The following EYS variants were observed in gnomAD, a reference collection of about 807,000 sequenced individuals.
EYS encodes the protein protein eyes shut homolog.
A neutral mutation model predicts 282.1 loss-of-function variants in EYS; 250 were observed. The ratio of observed to expected loss-of-function variants is 0.89; its 90% CI spans 0.80 to 0.98. The LOEUF (loss-of-function observed/expected upper bound fraction) is 0.98, where lower values mean the gene tolerates loss of function less well. EYS is among the 50% of genes least tolerant of loss of function. The pLI is 0.00. For missense variants in EYS, 4,016 were observed against 3,709.0 expected, an observed-to-expected ratio of 1.08 and a Z score of -2.15; for synonymous variants, 1,355 against 1,282.9, an observed-to-expected ratio of 1.06 and a Z score of -1.20.
chr6:64,233,785 G>T (rs1766502068), intron 30 of EYS, among the ~76,000 whole-genome samples: 1 of 152,256 alleles, frequency 6.6e-6, no homozygotes, highest in Admixed American at 6.5e-5. Flanking sequence ...CTTGATCACT[G>T]GAGAAAGACA....
At chr6:65,587,140 C>A (rs950616206) in intron 2 of EYS, among the ~76,000 whole-genome samples, 1 of 151,910 alleles carries the variant, frequency 6.6e-6, no homozygotes, top group Non-Finnish European at 1.5e-5. Flanking sequence ...AACTAAACAG[C>A]CAGCTGTTTA....
At chr6:65,702,283 T>C (rs1250417615) in intron 1 of EYS, among the ~76,000 whole-genome samples, 4 of 152,244 alleles carry the variant, frequency 2.6e-5, no homozygotes, top group Non-Finnish European at 5.9e-5. Context: ...TCAAAATAAG[T>C]TGTAGTTTAT....
At chr6:64,751,649 T>C (rs536545881) in intron 22 of EYS, among the ~76,000 whole-genome samples, 2 of 152,338 alleles carry the variant, frequency 1.3e-5, no homozygotes, top group Admixed American at 6.5e-5. Flanking sequence ...TATACCCATC[T>C]CTTTCAGCCA....
intron 39 of EYS, among the ~76,000 whole-genome samples, chr6:63,779,680 A>T (rs1770158822): frequency 6.6e-6 from 1 of 152,046 alleles, no homozygotes; most frequent in Non-Finnish European, 1.5e-5. Flanking sequence ...TTAAAATGAT[A>T]AAATAAAGGC....
chr6:64,374,204 T>G (rs983431502), intron 29 of EYS, among the ~76,000 whole-genome samples: 1 of 3,344 alleles, frequency 3.0e-4, no homozygotes, highest in African/African-American at 1.2e-3. Flanking sequence ...GGTGGAGGTG[T>G]GGGGGGTGGG....
intron 28 of EYS, among the ~76,000 whole-genome samples, chr6:64,435,374 G>A (rs964620216): frequency 1.7e-4 from 25 of 150,304 alleles, no homozygotes; most frequent in Non-Finnish European, 3.2e-4. Context: ...AAGGAAGATA[G>A]AACTTCCTTA....
At chr6:64,519,111 T>G (rs1777652908) in intron 26 of EYS, among the ~76,000 whole-genome samples, 1 of 151,728 alleles carries the variant, frequency 6.6e-6, no homozygotes, top group South Asian at 2.1e-4. Context: ...GAAGAGGCTA[T>G]GATACTGGGT....
At chr6:64,923,989 C>A (rs1440414238) in intron 15 of EYS, among the ~76,000 whole-genome samples, 3 of 152,158 alleles carry the variant, frequency 2.0e-5, no homozygotes, top group African/African-American at 7.2e-5. Context: ...GCCCTCTTCT[C>A]ACAGCTCCAC....
chr6:64,302,971 A>G (rs1332305097), intron 30 of EYS, among the ~76,000 whole-genome samples: 1 of 151,960 alleles, frequency 6.6e-6, no homozygotes, highest in Non-Finnish European at 1.5e-5. Flanking sequence ...CATGGCTAGG[A>G]CCCAACCCAG....
intron 26 of EYS, among the ~76,000 whole-genome samples, chr6:64,518,783 C>A (rs1372038134): frequency 2.7e-5 from 4 of 149,926 alleles, no homozygotes; most frequent in African/African-American, 9.8e-5. Context: ...ATAAGGGGCC[C>A]CCCCCTTCTC....
At chr6:64,856,092 T>A (rs1766049723) in intron 19 of EYS, among the ~76,000 whole-genome samples, 1 of 152,184 alleles carries the variant, frequency 6.6e-6, no homozygotes, top group African/African-American at 2.4e-5. Flanking sequence ...CAATTTTATG[T>A]GATACACATT....
At chr6:64,532,485 G>A (rs1470427898) in intron 26 of EYS, among the ~76,000 whole-genome samples, 5 of 152,034 alleles carry the variant, frequency 3.3e-5, no homozygotes, top group African/African-American at 7.2e-5. Context: ...GGAGGCGAGC[G>A]GATCACGAGG....
rs1765597743 is a variant in EYS, at chr6:64,842,676, A to AATG, written c.2993-19855_2993-19854insCAT. Among the ~76,000 whole-genome samples, 5 of 152,078 alleles carry AATG rather than the reference A, an allele frequency of 3.3e-5. No individual in the cohort carries two copies. The South Asian group carries it at 1.0e-3, about 31-fold the overall frequency. On this transcript the variant is annotated intron_variant, in intron 19 of 42. Transcript: ENST00000503581. ...CTGGAGCAAAGGTGACTCTTGCTACATTTTAGCAAAGAGACTGGTGGTACT... is the reference window on the plus strand; with the variant it reads ...CTGGAGCAAAGGTGACTCTTGCTACAATGTTTTAGCAAAGAGACTGGTGGTACT...
chr6:65,170,250 A>G (rs1347379101), intron 12 of EYS, among the ~76,000 whole-genome samples: 1 of 151,384 alleles, frequency 6.6e-6, no homozygotes, highest in East Asian at 2.0e-4. Context: ...ACACACAGAG[A>G]GAGGAGAGAA....
At chr6:64,306,511 A>G (rs566318758) in intron 30 of EYS, among the ~76,000 whole-genome samples, 1 of 152,300 alleles carries the variant, frequency 6.6e-6, no homozygotes, top group East Asian at 1.9e-4. Flanking sequence ...ATTCAAAGCC[A>G]TGTTTGGAGA....
intron 12 of EYS, among the ~76,000 whole-genome samples, chr6:65,130,132 A>G (rs911434009): frequency 6.6e-6 from 1 of 151,798 alleles, no homozygotes; most frequent in Non-Finnish European, 1.5e-5. Context: ...TAAAAATAGG[A>G]AAAAATAGAC....
chr6:63,892,417 A>G (rs769142514), intron 35 of EYS, among the ~76,000 whole-genome samples: 46 of 152,186 alleles, frequency 3.0e-4, no homozygotes, highest in Non-Finnish European at 5.9e-4. Context: ...GGCCTCAGAA[A>G]TACCACCACA....
chr6:63,897,680 A>C (rs994573036), intron 35 of EYS, among the ~76,000 whole-genome samples: 1 of 152,190 alleles, frequency 6.6e-6, no homozygotes, highest in African/African-American at 2.4e-5. Flanking sequence ...GTTTGTGGTA[A>C]TTTGTTATAG....
intron 5 of EYS, among the ~76,000 whole-genome samples, chr6:65,438,116 T>C (rs958006293): frequency 6.6e-6 from 1 of 151,442 alleles, no homozygotes; most frequent in African/African-American, 2.4e-5. Flanking sequence ...GTTTGGTTTT[T>C]TGTCTTTGCA....
Sources: allele counts gnomAD v4.1 joint callset (sites outside exome capture counted in the v4.1 genomes callset), GRCh38; gene constraint gnomAD v4.1.1; transcripts MANE v1.5; gene names NCBI Gene and HGNC (gene_info 2026-07-23, HGNC 2026-07-21).